ACOT11: variants seen among roughly 807,000 people sequenced by gnomAD.
ACOT11 encodes the protein acyl-CoA thioesterase 11, also known as acyl-coenzyme A thioesterase 11.
A neutral mutation model predicts 77.5 loss-of-function variants in ACOT11; 69 were observed. That is an observed-to-expected ratio of 0.89 (90% CI 0.73 to 1.09). The LOEUF is 1.09. Ranked by LOEUF, ACOT11 falls within the 50% of genes least tolerant of loss-of-function variation. The pLI is 0.00. For synonymous variants in ACOT11, 279 were observed against 313.0 expected (o/e 0.89, Z 1.15); for missense variants, 766 against 813.7 (o/e 0.94, Z 0.71).
chr1:54,551,459 C>T (rs1396395851), intron 1 of ACOT11, among the ~76,000 whole-genome samples: 4 of 152,148 alleles, frequency 2.6e-5, no homozygotes, highest in African/African-American at 9.7e-5. Context: ...CTCCCTGTCC[C>T]GCTTCAATCC....
At chr1:54,587,464 G>A (rs34591365) in intron 3 of ACOT11, among the ~76,000 whole-genome samples, 4 of 151,518 alleles carry the variant, frequency 2.6e-5, no homozygotes, top group African/African-American at 9.7e-5. Flanking sequence ...GGTGAGCTGA[G>A]GTCGCACCAC....
At chr1:54,562,458 T>C (rs1653553556) in intron 1 of ACOT11, among the ~76,000 whole-genome samples, 1 of 73,630 alleles carries the variant, frequency 1.4e-5, no homozygotes. Flanking sequence ...TCCCCCCACC[T>C]CCCTCCCGGA....
At chr1:54,632,359 C>T (rs1394402366) in intron 16 of ACOT11, among the ~76,000 whole-genome samples, 6 of 152,160 alleles carry the variant, frequency 3.9e-5, no homozygotes, top group East Asian at 3.8e-4. Context: ...CTTCTGCCTG[C>T]GGAACCCCGG....
chr1:54,604,662 C>G (rs1302906829), intron 12 of ACOT11, among the ~76,000 whole-genome samples: 1 of 152,184 alleles, frequency 6.6e-6, no homozygotes, highest in African/African-American at 2.4e-5. Flanking sequence ...CTCAACCACT[C>G]AGGTCTGCTG....
intron 1 of ACOT11, among the ~76,000 whole-genome samples, chr1:54,571,059 T>C (rs1653912872): frequency 7.0e-6 from 1 of 142,176 alleles, no homozygotes; most frequent in South Asian, 2.1e-4. Flanking sequence ...CCAATTATGA[T>C]ATTCTCTCTC....
At chr1:54,618,372 T>C (rs1334768796) in intron 15 of ACOT11, among the ~76,000 whole-genome samples, 1 of 152,052 alleles carries the variant, frequency 6.6e-6, no homozygotes, top group East Asian at 1.9e-4. Context: ...GGCATGGTAG[T>C]GGGTTCCTGT....
At chr1:54,612,993 C>G (rs1028994407), downstream of ACOT11, among the ~76,000 whole-genome samples, 1 of 122,108 alleles carries the variant, frequency 8.2e-6, no homozygotes, top group Non-Finnish European at 1.7e-5. Context: ...TAAACATCCT[C>G]ATATAGACAG....
intron 1 of ACOT11, among the ~76,000 whole-genome samples, chr1:54,565,654 G>A (rs1653708321): frequency 6.6e-6 from 1 of 152,124 alleles, no homozygotes; most frequent in Non-Finnish European, 1.5e-5. Context: ...GCATACAGTA[G>A]GTACATGGTA....
At chr1:54,576,522 G>C (rs1381405214) in intron 1 of ACOT11, among the ~76,000 whole-genome samples, 1 of 141,002 alleles carries the variant, frequency 7.1e-6, no homozygotes, top group Non-Finnish European at 1.5e-5. Flanking sequence ...AAGCAAAGCA[G>C]AATTTTGTAA....
chr1:54,632,245 G>A (rs1366362451), intron 16 of ACOT11, among the ~76,000 whole-genome samples: 3 of 152,172 alleles, frequency 2.0e-5, no homozygotes, highest in Non-Finnish European at 2.9e-5. Flanking sequence ...GCTCTAAACC[G>A]GGGCGTTTCT....
At chr1:54,571,207 A>G (rs187779091) in intron 1 of ACOT11, among the ~76,000 whole-genome samples, 2 of 152,136 alleles carry the variant, frequency 1.3e-5, no homozygotes, top group African/African-American at 4.8e-5. Flanking sequence ...CGGGTTATCT[A>G]GCCAGACAGT....
rs189467564 is a variant in ACOT11 at position 54,564,263 on chromosome 1, T to G, written c.33+15921T>G. 3.2e-4 allele frequency among the ~76,000 whole-genome samples: 49 copies of G among 151,482 alleles called. No homozygotes were observed. The South Asian group carries it at 6.5e-3, about 20-fold the overall frequency. On this transcript the variant is annotated intron_variant, in intron 1 of 15. Transcript: ENST00000343744. ...TCCAGAAGAAAAAGAAAAAATAAAATAAAAAAAGAAAAAAAGAAAGAAAGC... is the reference window on the plus strand; with the variant it reads ...TCCAGAAGAAAAAGAAAAAATAAAAGAAAAAAAGAAAAAAAGAAAGAAAGC...
intron 16 of ACOT11, chr1:54,630,964 C>T (rs1384245587): frequency 5.5e-6 from 3 of 545,206 alleles, no homozygotes; most frequent in Admixed American, 3.4e-5. Flanking sequence ...CACCTTAGAA[C>T]TTTTTCACAC....
intron 1 of ACOT11, among the ~76,000 whole-genome samples, chr1:54,575,571 G>T (rs1232248243): frequency 6.6e-6 from 1 of 151,904 alleles, no homozygotes; most frequent in Non-Finnish European, 1.5e-5. Flanking sequence ...GGAACGCACT[G>T]AAAAAAATCT....
chr1:54,603,959 G>A, intron 11 of ACOT11, 22 bp downstream of exon 11: 4 of 1,612,702 alleles, frequency 2.5e-6, no homozygotes, highest in East Asian at 2.2e-5. Flanking sequence ...TGCTCCGAGA[G>A]GACAGTCTTC....
exon 17 of ACOT11, chr1:54,637,124 G>T (rs1386452076): frequency 6.6e-6 from 1 of 152,198 alleles, no homozygotes; most frequent in African/African-American, 2.4e-5. Context: ...GTAAATCTCT[G>T]TTGGGGGCTC....
chr1:54,597,346 A>G lies in ACOT11; in HGVS notation c.695A>G (p.Asn232Ser), dbSNP rs1643899977. ...GAGCTGGTCCTGCCTCCCCACGCCA[A>G]TCACCAGGGCAACACCTTTGGGGGC... ...SVELVLPPHA[N>S]HQGNTFGGQI... Residue 232 changes from asparagine to serine, a missense_variant, in exon 7 of 16, where the codon AAT becomes AGT. Coordinates refer to ENST00000343744, the MANE Select transcript of ACOT11 (RefSeq NM_147161.4). 6.2e-7 allele frequency: 1 copy of G among 1,613,788 alleles called. No individual in the cohort carries two copies. Among genetic ancestry groups the G allele is most frequent in the South Asian group, 1.1e-5 (1 of 91,056 alleles).
chr1:54,623,254 G>T (rs755837958), intron 15 of ACOT11: 34 of 1,547,770 alleles, frequency 2.2e-5, no homozygotes, highest in African/African-American at 2.7e-5. Context: ...AGCCACTCAG[G>T]ATGACATGGG....
In ACOT11 at chr1:54,621,183, G is replaced by A. The variant is rs987144345; in HGVS notation, c.1630-9551G>A. ...CTCAAAAAAAAAAAAAAACCTGCGC[G>A]CGGCGGCTGACGCCTGTAATCCCAG... On this transcript the variant is annotated intron_variant, in intron 15 of 16. Coordinates refer to the ACOT11 transcript ENST00000371316. Among the ~76,000 whole-genome samples the A allele has an allele frequency of 6.0e-5, 9 of 149,918 alleles. No individual in the cohort carries two copies. In the South Asian group the frequency reaches 1.1e-3, roughly 18 times the overall value.
Sources: allele counts gnomAD v4.1 joint callset (sites outside exome capture counted in the v4.1 genomes callset), GRCh38; gene constraint gnomAD v4.1.1; transcripts MANE v1.5; gene names NCBI Gene and HGNC (gene_info 2026-07-23, HGNC 2026-07-21).